The following ERBB2 variants were observed in gnomAD, a reference collection of about 807,000 sequenced individuals.
The protein encoded by ERBB2 is receptor tyrosine-protein kinase erbB-2.
In ERBB2, 61 loss-of-function variants were observed where a neutral mutation model predicts 149.0. The ratio of observed to expected loss-of-function variants is 0.41; its 90% CI spans 0.33 to 0.51. ERBB2 has a LOEUF of 0.51. ERBB2 is among the 20% of genes least tolerant of loss of function. The pLI, the probability that ERBB2 is intolerant of heterozygous loss-of-function variation, is 0.25. For missense variants in ERBB2, 1,205 were observed against 1,655.1 expected (o/e 0.73, Z 4.72); for synonymous variants, 633 against 678.8 (o/e 0.93, Z 1.05).
rs754278477 is a variant in ERBB2 at position 39,707,144 on chromosome 17, GAGGCCCGTGGGCAACCCAGCC to G, written c.225+10_225+30del. The G allele has an allele frequency of 5.8e-6, 9 of 1,561,586 alleles. No homozygotes were observed. Among genetic ancestry groups the G allele is most frequent in the Non-Finnish European group, 7.0e-6 (8 of 1,150,818 alleles). Reference sequence around the variant, plus strand: ...ATGCCAGCCTGTCCTTCCTGCAGGTGAGGCCCGTGGGCAACCCAGCCAGGCCCTGCCTCCAGCTGGGCTGAG... The same window carrying G: ...ATGCCAGCCTGTCCTTCCTGCAGGTGAGGCCCTGCCTCCAGCTGGGCTGAG... On this transcript the variant is annotated splice_donor_5th_base_variant and intron_variant, in intron 2 of 26. Transcript: ENST00000269571.
At chr17:39,716,230 C>A (rs2059116725) in intron 12 of ERBB2, 71 bp from the exon 13 acceptor site, 1 of 1,485,940 alleles carries the variant, frequency 6.7e-7, no homozygotes, top group South Asian at 1.3e-5. Flanking sequence ...TGCCCACAGC[C>A]AGTTCCCTGG....
At chr17:39,688,237 G>A (rs548386033) in exon 1 of ERBB2, 1 of 401,136 alleles carries the variant, frequency 2.5e-6, no homozygotes, top group African/African-American at 2.1e-5. Context: ...CGCCTGATGG[G>A]TTAATGAGCA....
In ERBB2 at chr17:39,707,054, C is replaced by T. The variant is rs1187232323; in HGVS notation, c.138C>T (p.Leu46=). Residue 46 remains leucine (L), a synonymous_variant, in exon 2 of 27, where the codon CTC becomes CTT. Transcript: ENST00000269571. ...PASPETHLDM[L]RHLYQGCQVV... ...GTCCCGAGACCCACCTGGACATGCT[C>T]CGCCACCTCTACCAGGGCTGCCAGG... 2 of 1,608,220 alleles carry T rather than the reference C, an allele frequency of 1.2e-6. No homozygotes were observed. The highest frequency in any genetic ancestry group is 2.7e-5 in the African/African-American group (2 of 74,748).
chr17:39,715,490 A>G lies in ERBB2; in HGVS notation c.1267A>G (p.Ser423Gly), dbSNP rs199668084. 3.7e-6 allele frequency: 6 copies of G among 1,614,148 alleles called. No homozygotes were observed. In the East Asian group the frequency reaches 1.3e-4, roughly 36 times the overall value. ...SAWPDSLPDL[S>G]VFQNLQVIRG... The stretch of plus-strand genomic sequence containing the variant: ...ATGGCCGGACAGCCTGCCTGACCTC[A>G]GCGTCTTCCAGAACCTGCAAGTAAT... The change falls in exon 11 of 27, where the codon AGC (serine) becomes GGC (glycine). Residue 423 changes from serine to glycine, a missense_variant. Transcript: ENST00000269571.
At chr17:39,722,367 G>C (rs2059497386) in intron 16 of ERBB2, among the ~76,000 whole-genome samples, 2 of 152,020 alleles carry the variant, frequency 1.3e-5, no homozygotes, top group Non-Finnish European at 2.9e-5. Context: ...GCTGAGTGTG[G>C]TGGCGTGTGT....
intron 15 of ERBB2, among the ~76,000 whole-genome samples, chr17:39,717,936 C>T (rs2059238038): frequency 6.6e-6 from 1 of 152,146 alleles, no homozygotes; most frequent in Admixed American, 6.5e-5. Flanking sequence ...GCTTCCGCCT[C>T]CTGAGTAGCT....
rs756617192 is a variant in ERBB2 at position 39,724,803 on chromosome 17, G to A, written c.2385G>A (p.Gln795=). Reference sequence around the variant, plus strand: ...GCATCTGCCTGACATCCACGGTGCAGCTGGTGACACAGCTTATGCCCTATG... The same window carrying A: ...GCATCTGCCTGACATCCACGGTGCAACTGGTGACACAGCTTATGCCCTATG... The part of the protein sequence containing the change: ...LLGICLTSTV[Q]LVTQLMPYGC... The change falls in exon 20 of 27, where the codon CAG becomes CAA. Residue 795 remains glutamine (Q), a synonymous_variant. Coordinates refer to ENST00000269571, the MANE Select transcript of ERBB2 (RefSeq NM_004448.4). 1.2e-6 allele frequency: 2 copies of A among 1,614,236 alleles called. No homozygotes were observed. Among genetic ancestry groups the A allele is most frequent in the East Asian group, 2.2e-5 (1 of 44,880 alleles).
At chr17:39,717,820 C>CACAT (rs1567907665) in intron 15 of ERBB2, among the ~76,000 whole-genome samples, 1 of 151,090 alleles carries the variant, frequency 6.6e-6, no homozygotes, top group East Asian at 1.9e-4. Context: ...CACACACACA[C>CACAT]ATATGTATTT....
chr17:39,706,995 A>C lies in ERBB2; in HGVS notation c.79A>C (p.Thr27Pro), dbSNP rs779913120. 116 of 1,580,950 alleles carry C rather than the reference A, an allele frequency of 7.3e-5. No homozygotes were observed. Among genetic ancestry groups the C allele is most frequent in the Non-Finnish European group, 9.5e-5 (111 of 1,162,900 alleles). The part of the protein sequence containing the change: ...PPGAASTQVC[T>P]GTDMKLRLPA... ...CATCTGCTCTCTCCTGCCAGTGTGC[A>C]CCGGCACAGACATGAAGCTGCGGCT... Residue 27 changes from threonine (T) to proline (P), a missense_variant, in exon 2 of 27, where the codon ACC becomes CCC. Thr to Pro is a conservative substitution (Grantham distance 38). Coordinates refer to ENST00000269571, the MANE Select transcript of ERBB2 (RefSeq NM_004448.4).
In ERBB2 at chr17:39,716,515, G is replaced by T. The variant is rs775974838; in HGVS notation, c.1647G>T (p.Gly549=). ...CCCTCACCACTGTCCCTTCTCTCAG[G>T]CTCCCCAGGGAGTATGTGAATGCCA... ...ECVEECRVLQ[G]LPREYVNARH... The change falls in exon 14 of 27, where the codon GGG becomes GGT. Residue 549 remains glycine (G), a splice_region_variant and synonymous_variant. Coordinates refer to ENST00000269571, the MANE Select transcript of ERBB2 (RefSeq NM_004448.4). 6.2e-7 allele frequency: 1 copy of T among 1,614,128 alleles called. No individual in the cohort carries two copies. Among genetic ancestry groups the T allele is most frequent in the Non-Finnish European group, 8.5e-7 (1 of 1,179,996 alleles).
chr17:39,713,095 CA>C (rs2058907292), intron 9 of ERBB2: 1 of 152,402 alleles, frequency 6.6e-6, no homozygotes, highest in Non-Finnish European at 1.5e-5. Context: ...CAAAACTCAT[CA>C]AACTGTGTGA....
At chr17:39,708,587 GC>G in intron 3 of ERBB2, 53 bp downstream of exon 3, 1 of 1,422,178 alleles carries the variant, frequency 7.0e-7, no homozygotes, top group Non-Finnish European at 9.9e-7. Flanking sequence ...GCTGACCAGG[GC>G]CACTGCTAAC....
In ERBB2 at chr17:39,724,930, T is replaced by C. The variant is rs933238133; in HGVS notation, c.2493+19T>C. 1.9e-6 allele frequency: 3 copies of C among 1,612,070 alleles called. No homozygotes were observed. Among genetic ancestry groups the C allele is most frequent in the Non-Finnish European group, 2.5e-6 (3 of 1,178,466 alleles). ...TGCCAAGGTATGCACCTGGGCTCTT[T>C]GCAGGTCTCTCCGGAGCAAACCCCT... is the stretch of plus-strand genomic sequence containing the variant. On this transcript the variant is annotated intron_variant, in intron 20 of 26. Coordinates refer to ENST00000269571, the MANE Select transcript of ERBB2 (RefSeq NM_004448.4).
In ERBB2 at chr17:39,711,931, A is replaced by T. The variant is rs768855063; in HGVS notation, c.905A>T (p.Asn302Ile). Residue 302 changes from asparagine (N) to isoleucine (I), a missense_variant, in exon 8 of 27, where the codon AAC (asparagine) becomes ATC (isoleucine). Around this residue, in one of 6 missense-constraint regions of ERBB2, gnomAD observed 569 missense variants for 803.5 expected, o/e 0.71. Coordinates refer to ENST00000269571, the MANE Select transcript of ERBB2 (RefSeq NM_004448.4). ...TACATGTTCCTGATCTCCTTAGACA[A>T]CTACCTTTCTACGGACGTGGGATCC... ...GASCVTACPY[N>I]YLSTDVGSCT... is the part of the protein sequence containing the mutation. 6.2e-7 allele frequency: 1 copy of T among 1,614,078 alleles called. No homozygotes were observed. Among genetic ancestry groups the T allele is most frequent in the Admixed American group, 1.7e-5 (1 of 60,014 alleles).
At chr17:39,694,288 TACAC>T (rs1248015899), upstream of ERBB2, among the ~76,000 whole-genome samples, 31 of 60,716 alleles carry the variant, frequency 5.1e-4, 2 homozygotes, top group East Asian at 1.1e-3. Flanking sequence ...TATATATATA[TACAC>T]ATATATATGT....
intron 7 of ERBB2, among the ~76,000 whole-genome samples, chr17:39,710,817 TTAATATTTG>T (rs2058752188): frequency 6.6e-6 from 1 of 152,166 alleles, no homozygotes; most frequent in Non-Finnish European, 1.5e-5. Context: ...TTTGAAAGAG[TTAATATTTG>T]TAAAGCTCTT....
upstream of ERBB2, among the ~76,000 whole-genome samples, chr17:39,698,594 A>G (rs1439256717): frequency 6.7e-6 from 1 of 149,860 alleles, no homozygotes; most frequent in Non-Finnish European, 1.5e-5. Flanking sequence ...TCTTGGTCCC[A>G]GAGGCCCCTG....
chr17:39,709,353 C>A lies in ERBB2; in HGVS notation c.475C>A (p.Pro159Thr), dbSNP rs778888794. ...AGGAGGGGTCTTGATCCAGCGGAACCCCCAGCTCTGCTACCAGGACACGAT... is the reference window on the plus strand; with the variant it reads ...AGGAGGGGTCTTGATCCAGCGGAACACCCAGCTCTGCTACCAGGACACGAT... ...LKGGVLIQRN[P>T]QLCYQDTILW... The change falls in exon 4 of 27, where the codon CCC becomes ACC. Residue 159 changes from proline (P) to threonine (T), a missense_variant. Transcript: ENST00000269571. 2 of 1,614,032 alleles carry A rather than the reference C, an allele frequency of 1.2e-6. No individual in the cohort carries two copies. Among genetic ancestry groups the A allele is most frequent in the Non-Finnish European group, 1.7e-6 (2 of 1,179,990 alleles).
intron 14 of ERBB2, 134 bp downstream of exon 14, chr17:39,716,739 C>A: frequency 2.5e-6 from 2 of 788,230 alleles, no homozygotes; most frequent in Non-Finnish European, 4.2e-6. Flanking sequence ...AGCGCTCAGA[C>A]CTGAACAGCA....
Sources: allele counts gnomAD v4.1 joint callset (sites outside exome capture counted in the v4.1 genomes callset), GRCh38; gene constraint gnomAD v4.1.1; regional missense constraint gnomAD v4.1.1; transcripts MANE v1.5; gene names NCBI Gene and HGNC (gene_info 2026-07-23, HGNC 2026-07-21).